Variants in SNTG1 observed in about 807,000 individuals in gnomAD.
SNTG1 encodes the protein gamma-1-syntrophin.
Under a neutral mutation model 74.7 loss-of-function variants are expected in SNTG1, and 39 were observed. The ratio of observed to expected loss-of-function variants is 0.52; its 90% CI spans 0.40 to 0.68. SNTG1 has a LOEUF of 0.68. Among genes scored for constraint, SNTG1 ranks in the 30% least tolerant of loss-of-function variants. SNTG1 has a pLI of 0.00. For synonymous variants in SNTG1, 254 were observed against 217.1 expected (o/e 1.17, Z -1.49); for missense variants, 685 against 609.5 (o/e 1.12, Z -1.30).
At chr8:50,476,573 G>A (rs909460005) in intron 8 of SNTG1, among the ~76,000 whole-genome samples, 14 of 152,274 alleles carry the variant, frequency 9.2e-5, no homozygotes, top group Middle Eastern at 3.4e-3. Flanking sequence ...GTAATGGATA[G>A]GATACAGTTG....
intron 11 of SNTG1, among the ~76,000 whole-genome samples, chr8:50,539,959 G>A (rs2094334741): frequency 6.6e-6 from 1 of 152,168 alleles, no homozygotes; most frequent in South Asian, 2.1e-4. Flanking sequence ...CTTGCTGTTA[G>A]CCATTCAGAT....
In SNTG1 at chr8:50,793,649, T is replaced by G. The variant is rs575149610; in HGVS notation, c.*820T>G. The G allele has an allele frequency of 6.6e-6, 1 of 151,998 alleles. No homozygotes were observed. The highest frequency in any genetic ancestry group is 1.9e-4 in the East Asian group (1 of 5,172). The allele number at this position is 151,998 out of a possible 1,614,324, so 9.4% of individuals were successfully genotyped here. On this transcript the variant is annotated 3_prime_UTR_variant, in exon 19 of 19. Coordinates refer to ENST00000642720, the MANE Select transcript of SNTG1 (RefSeq NM_018967.5). ...GTATTTTACCTAATAAGATTTATTA[T>G]CAAATTAAAGTTTCATAAATTTTCA...
At chr8:50,455,268 AGCTGATTCCAG>A (rs1323162071) in intron 8 of SNTG1, among the ~76,000 whole-genome samples, 1 of 152,248 alleles carries the variant, frequency 6.6e-6, no homozygotes, top group Non-Finnish European at 1.5e-5. Context: ...ATGGATGCAT[AGCTGATTCCAG>A]AGGTTTCCTT....
At chr8:50,466,645 G>T (rs536433340) in intron 8 of SNTG1, among the ~76,000 whole-genome samples, 2 of 152,068 alleles carry the variant, frequency 1.3e-5, no homozygotes. Context: ...TCTAAGCAAT[G>T]TTGAGTCCTC....
intron 2 of SNTG1, among the ~76,000 whole-genome samples, chr8:50,242,327 A>G (rs2086198855): frequency 6.6e-6 from 1 of 151,784 alleles, no homozygotes; most frequent in African/African-American, 2.4e-5. Flanking sequence ...TCAGGAGTTC[A>G]AGATCAGCCT....
At chr8:49,967,329 A>G (rs1422059979) in intron 1 of SNTG1, among the ~76,000 whole-genome samples, 3 of 152,174 alleles carry the variant, frequency 2.0e-5, no homozygotes, top group African/African-American at 7.2e-5. Context: ...TGTTCTCAGG[A>G]TGGTGTTTTG....
chr8:50,084,894 C>A (rs1220318033), intron 1 of SNTG1, among the ~76,000 whole-genome samples: 1 of 152,206 alleles, frequency 6.6e-6, no homozygotes, highest in African/African-American at 2.4e-5. Flanking sequence ...AAGGCCTTCA[C>A]CAGATGTGGC....
At chr8:50,637,316 G>C (rs2095045427) in intron 13 of SNTG1, among the ~76,000 whole-genome samples, 1 of 151,958 alleles carries the variant, frequency 6.6e-6, no homozygotes. Context: ...TATAGAGTAG[G>C]CTCTCTCAAT....
intron 2 of SNTG1, among the ~76,000 whole-genome samples, chr8:50,336,198 A>G (rs940548142): frequency 6.6e-6 from 1 of 152,322 alleles, no homozygotes; most frequent in African/African-American, 2.4e-5. Flanking sequence ...TTAATGTTCC[A>G]GGGGAAATAA....
chr8:50,434,867 C>T (rs2093283961), intron 4 of SNTG1, among the ~76,000 whole-genome samples: 1 of 152,060 alleles, frequency 6.6e-6, no homozygotes, highest in Admixed American at 6.6e-5. Flanking sequence ...GTTTCTGTAA[C>T]ACAAAATTAA....
At chr8:50,179,487 C>T (rs1202165051) in intron 2 of SNTG1, among the ~76,000 whole-genome samples, 1 of 151,906 alleles carries the variant, frequency 6.6e-6, no homozygotes, top group Non-Finnish European at 1.5e-5. Context: ...ATAATCAACA[C>T]AATAAAAAGG....
At chr8:50,110,690 G>A (rs2080549944) in intron 1 of SNTG1, among the ~76,000 whole-genome samples, 1 of 152,032 alleles carries the variant, frequency 6.6e-6, no homozygotes, top group Admixed American at 6.6e-5. Flanking sequence ...AATATATTTA[G>A]TACACATTGT....
intron 1 of SNTG1, among the ~76,000 whole-genome samples, chr8:49,936,207 C>T (rs1287304149): frequency 6.6e-6 from 1 of 152,028 alleles, no homozygotes; most frequent in Non-Finnish European, 1.5e-5. Context: ...ACAGAGTTAA[C>T]CAAAATGTTG....
chr8:50,655,013 C>G (rs2095171417), intron 13 of SNTG1, among the ~76,000 whole-genome samples: 1 of 152,166 alleles, frequency 6.6e-6, no homozygotes, highest in Non-Finnish European at 1.5e-5. Flanking sequence ...AGAAAGCACA[C>G]CTATGGCAAA....
intron 2 of SNTG1, among the ~76,000 whole-genome samples, chr8:50,313,507 A>T (rs1221622707): frequency 6.7e-6 from 1 of 149,862 alleles, no homozygotes; most frequent in Non-Finnish European, 1.5e-5. Flanking sequence ...ATCTGAGTAG[A>T]CATATCTAAA....
At chr8:50,120,566 A>G (rs1282111400) in intron 1 of SNTG1, among the ~76,000 whole-genome samples, 2 of 51,142 alleles carry the variant, frequency 3.9e-5, no homozygotes, top group African/African-American at 5.3e-5. Flanking sequence ...TACTACCACT[A>G]CTAGTACCAC....
intron 15 of SNTG1, among the ~76,000 whole-genome samples, chr8:50,688,920 T>C (rs890602404): frequency 6.6e-6 from 1 of 152,112 alleles, no homozygotes; most frequent in Admixed American, 6.5e-5. Flanking sequence ...GTTTGTATCC[T>C]CTTGTATTTC....
intron 1 of SNTG1, among the ~76,000 whole-genome samples, chr8:50,139,934 CT>C (rs2131458624): frequency 6.6e-6 from 1 of 152,326 alleles, no homozygotes; most frequent in Admixed American, 6.5e-5. Flanking sequence ...TTAGAATAGT[CT>C]TGCCAAATTC....
intron 17 of SNTG1, among the ~76,000 whole-genome samples, chr8:50,715,264 T>G (rs2095472281): frequency 1.3e-5 from 2 of 152,320 alleles, no homozygotes; most frequent in South Asian, 4.1e-4. Context: ...TAGAACATCA[T>G]AAATTTGACT....
Sources: allele counts gnomAD v4.1 joint callset (sites outside exome capture counted in the v4.1 genomes callset), GRCh38; gene constraint gnomAD v4.1.1; transcripts MANE v1.5; gene names NCBI Gene and HGNC (gene_info 2026-07-23, HGNC 2026-07-21).